The following NDRG3 variants were observed in gnomAD, a reference collection of about 807,000 sequenced individuals.
NDRG3 encodes protein NDRG3.
In NDRG3, 23 loss-of-function variants were observed where a neutral mutation model predicts 57.2. That is an observed-to-expected ratio of 0.40 (90% confidence interval 0.29 to 0.57). The LOEUF is 0.57. Among genes scored for constraint, NDRG3 ranks in the 20% least tolerant of loss-of-function variants. The pLI is 0.42. For missense variants in NDRG3, 384 were observed against 457.3 expected, an observed-to-expected ratio of 0.84 and a Z score of 1.46; for synonymous variants, 132 against 162.6, an observed-to-expected ratio of 0.81 and a Z score of 1.43.
At chr20:36,657,714 G>C (rs2148020937) in intron 13 of NDRG3, among the ~76,000 whole-genome samples, 1 of 152,228 alleles carries the variant, frequency 6.6e-6, no homozygotes, top group African/African-American at 2.4e-5. Flanking sequence ...ATTATGAAGG[G>C]GGACTACTAC....
rs984041086 is a variant in NDRG3, at chr20:36,665,103, T to C, written c.759-6A>G. 8.7e-6 allele frequency: 14 copies of C among 1,613,816 alleles called. No homozygotes were observed. Among genetic ancestry groups the C allele is most frequent in the Non-Finnish European group, 1.2e-5 (14 of 1,179,864 alleles). ...CCACCAGTAAAGTAGAACACCTAGG[T>C]AGGCAAAGTAAGAGGTGTCACTCAG... On this transcript the variant is annotated splice_polypyrimidine_tract_variant and splice_region_variant and intron_variant, in intron 11 of 15. Coordinates refer to ENST00000349004, the MANE Select transcript of NDRG3 (RefSeq NM_032013.4).
intron 8 of NDRG3, among the ~76,000 whole-genome samples, chr20:36,676,742 C>T (rs1049998387): frequency 6.6e-6 from 1 of 152,264 alleles, no homozygotes; most frequent in South Asian, 2.1e-4. Flanking sequence ...GGATAATGGG[C>T]GTAAGCCACG....
intron 3 of NDRG3, among the ~76,000 whole-genome samples, chr20:36,693,226 G>GTA (rs759110531): frequency 2.3e-4 from 27 of 117,676 alleles, no homozygotes; most frequent in East Asian, 7.7e-4. Context: ...ATGTATATAC[G>GTA]TATATATATG....
At chr20:36,701,969 T>A (rs1983259471) in intron 3 of NDRG3, among the ~76,000 whole-genome samples, 1 of 152,054 alleles carries the variant, frequency 6.6e-6, no homozygotes, top group Admixed American at 6.6e-5. Flanking sequence ...CTTCAATAAA[T>A]GTGTTGTCAC....
At chr20:36,663,906 G>A (rs1168415068) in intron 12 of NDRG3, among the ~76,000 whole-genome samples, 1 of 152,114 alleles carries the variant, frequency 6.6e-6, no homozygotes, top group Non-Finnish European at 1.5e-5. Context: ...TGCCTCCCAG[G>A]TTTGAGCAAT....
intron 2 of NDRG3, 47 bp from the exon 3 acceptor site, chr20:36,707,054 C>A: frequency 6.4e-7 from 1 of 1,567,164 alleles, no homozygotes; most frequent in Non-Finnish European, 8.8e-7. Context: ...CACATGGTTT[C>A]CCCACATGTG....
In NDRG3 at chr20:36,665,295, T is replaced by C. The variant is rs763827238; in HGVS notation, c.699A>G (p.Arg233=). 11 of 1,614,182 alleles carry C rather than the reference T, an allele frequency of 6.8e-6. No homozygotes were observed. Among genetic ancestry groups the C allele is most frequent in the Non-Finnish European group, 9.3e-6 (11 of 1,179,986 alleles). ...GTATGGGTCTTTCGATCTCCAGGTC[T>C]CTGCGTCTAGAAAAACAAAGCAGAA... ...QLFLNSYNGR[R]DLEIERPILG... The change falls in exon 11 of 16, where the codon AGA becomes AGG. Residue 233 remains arginine, a synonymous_variant. Coordinates refer to ENST00000349004, the MANE Select transcript of NDRG3 (RefSeq NM_032013.4).
At chr20:36,723,487 A>G (rs1031765510) in intron 1 of NDRG3, among the ~76,000 whole-genome samples, 1 of 152,112 alleles carries the variant, frequency 6.6e-6, no homozygotes, top group Non-Finnish European at 1.5e-5. Context: ...ACAACCATTT[A>G]TTGAGTACCC....
In NDRG3 at chr20:36,652,714, A is replaced by G. The variant is rs1978328590; in HGVS notation, c.*806T>C. The stretch of plus-strand genomic sequence containing the variant: ...TTGCTCTTCAGAGCAGAGGCCTGGC[A>G]TTTTGTTTCCACCTTCCTGTGCTAA... On this transcript the variant is annotated 3_prime_UTR_variant, in exon 16 of 16. Transcript: ENST00000349004. The G allele has an allele frequency of 6.6e-6, 1 of 152,216 alleles. No individual in the cohort carries two copies. The highest frequency in any genetic ancestry group is 6.5e-5 in the Admixed American group (1 of 15,276). The allele number at this position is 152,216 out of a possible 1,614,324, so 9.4% of individuals were successfully genotyped here.
intron 3 of NDRG3, among the ~76,000 whole-genome samples, chr20:36,692,578 A>C (rs1020612308): frequency 1.1e-4 from 16 of 152,188 alleles, no homozygotes; most frequent in Non-Finnish European, 2.1e-4. Flanking sequence ...TACCAGGAGA[A>C]TACTTTGGTA....
chr20:36,667,094 A>C (rs1979697667), intron 9 of NDRG3, among the ~76,000 whole-genome samples: 8 of 152,104 alleles, frequency 5.3e-5, no homozygotes, highest in Admixed American at 5.2e-4. Flanking sequence ...ACCTGGCTAC[A>C]TTTCTTTTAA....
At chr20:36,659,834 C>T (rs1043319697) in intron 13 of NDRG3, among the ~76,000 whole-genome samples, 4 of 151,322 alleles carry the variant, frequency 2.6e-5, no homozygotes, top group South Asian at 4.2e-4. Context: ...TTCCTGACCT[C>T]GTGATCCAAC....
intron 1 of NDRG3, among the ~76,000 whole-genome samples, chr20:36,728,475 CAGATGGATAGAT>C (rs1161143782): frequency 6.6e-6 from 1 of 152,146 alleles, no homozygotes; most frequent in Non-Finnish European, 1.5e-5. Flanking sequence ...GATGGATAGA[CAGATGGATAGAT>C]AGATGGATGG....
chr20:36,656,589 G>C, intron 13 of NDRG3, 57 bp from the exon 14 acceptor site: 1 of 1,588,640 alleles, frequency 6.3e-7, no homozygotes, highest in Non-Finnish European at 8.6e-7. Context: ...GAATTGCTCT[G>C]AACACCCCAA....
rs16986279 is a variant in NDRG3, at chr20:36,664,365, A to G, written c.810+681T>C. ...TTTTCATAGTTTCTACAATGAGCAT[A>G]TATCATTTTTATCCAAGTGCTATGT... On this transcript the variant is annotated intron_variant, in intron 12 of 15. Coordinates refer to ENST00000349004, the MANE Select transcript of NDRG3 (RefSeq NM_032013.4). Among the ~76,000 whole-genome samples, 318 of 152,242 alleles carry G rather than the reference A, an allele frequency of 2.1e-3. 1 individual carries two copies. Among genetic ancestry groups the G allele is most frequent in the African/African-American group, 7.4e-3 (309 of 41,546 alleles).
At chr20:36,665,201 T>A in intron 11 of NDRG3, 35 bp downstream of exon 11, 1 of 1,612,686 alleles carries the variant, frequency 6.2e-7, no homozygotes, top group Non-Finnish European at 8.5e-7. Context: ...TTAGTCTATA[T>A]TTGGCAAGTC....
chr20:36,675,909 G>A (rs775784457), intron 8 of NDRG3, among the ~76,000 whole-genome samples: 3 of 152,132 alleles, frequency 2.0e-5, no homozygotes, highest in East Asian at 3.9e-4. Flanking sequence ...GAACATTTAC[G>A]GCAATGTAAA....
intron 2 of NDRG3, among the ~76,000 whole-genome samples, chr20:36,708,756 G>A (rs1451945694): frequency 6.6e-6 from 1 of 152,098 alleles, no homozygotes; most frequent in African/African-American, 2.4e-5. Context: ...AGCCCAAGCC[G>A]GGCGCGGTGG....
chr20:36,742,936 T>C (rs1985988696), intron 1 of NDRG3, among the ~76,000 whole-genome samples: 2 of 152,360 alleles, frequency 1.3e-5, no homozygotes, highest in South Asian at 4.1e-4. Context: ...AAGGACCTTT[T>C]TGAATATTTA....
Sources: gnomAD v4.1 joint callset for allele counts (sites outside exome capture counted in the v4.1 genomes callset) on GRCh38, gnomAD v4.1.1 for gene constraint, MANE v1.5 for transcripts, NCBI Gene and HGNC (gene_info 2026-07-23, HGNC 2026-07-21) for gene names.